Variants in COL22A1 observed in about 807,000 individuals in gnomAD.
COL22A1 encodes the protein collagen type XXII alpha 1 chain, also known as collagen alpha-1(XXII) chain.
In COL22A1, 221 loss-of-function variants were observed where a neutral mutation model predicts 248.9. That is an observed-to-expected ratio of 0.89 (90% CI 0.80 to 0.99). The LOEUF (loss-of-function observed/expected upper bound fraction) is 0.99. Ranked by LOEUF, COL22A1 falls within the 50% of genes least tolerant of loss-of-function variation. The pLI is 0.00. For synonymous variants in COL22A1, 891 were observed against 793.4 expected (o/e 1.12, Z -2.07); for missense variants, 2,240 against 2,179.0 (o/e 1.03, Z -0.56).
At chr8:138,739,719 G>GA (rs1831403512) in intron 22 of COL22A1, among the ~76,000 whole-genome samples, 1 of 152,174 alleles carries the variant, frequency 6.6e-6, no homozygotes, top group African/African-American at 2.4e-5. Flanking sequence ...CCCAAGCCAT[G>GA]ACGGTGGCAC....
At chr8:138,881,208 A>T (rs1198677146) in intron 2 of COL22A1, among the ~76,000 whole-genome samples, 1 of 150,434 alleles carries the variant, frequency 6.6e-6, no homozygotes, top group Admixed American at 6.6e-5. Flanking sequence ...GGTTGGCTAG[A>T]TGGGCACAGA....
chr8:138,639,027 G>A (rs561812242), intron 47 of COL22A1, among the ~76,000 whole-genome samples: 24 of 152,208 alleles, frequency 1.6e-4, no homozygotes, highest in African/African-American at 2.2e-4. Context: ...ACAGAGCCCC[G>A]ACTCTTCCAG....
rs1818070062 is a variant in COL22A1 at position 138,602,108 on chromosome 8, C to T, written c.4185+7G>A. 1.2e-6 allele frequency: 2 copies of T among 1,614,114 alleles called. No homozygotes were observed. The highest frequency in any genetic ancestry group is 2.2e-5 in the East Asian group (1 of 44,850). On this transcript the variant is annotated splice_region_variant and intron_variant, in intron 60 of 64. Coordinates refer to ENST00000303045, the MANE Select transcript of COL22A1 (RefSeq NM_152888.3). ...GCGTGTTCAAGGTGCCTGTGCTCTC[C>T]ACTCACCCTTTCTCCTTTGAATCCA...
chr8:138,765,269 G>C (rs1422976376), intron 16 of COL22A1, among the ~76,000 whole-genome samples: 1 of 152,168 alleles, frequency 6.6e-6, no homozygotes, highest in South Asian at 2.1e-4. Context: ...AGAGTCCCTG[G>C]AGGGACTGCG....
intron 1 of COL22A1, among the ~76,000 whole-genome samples, chr8:138,884,485 AG>A (rs906238815): frequency 6.6e-6 from 1 of 152,200 alleles, no homozygotes; most frequent in Admixed American, 6.5e-5. Context: ...AATCCTCATA[AG>A]GGTTATTCTG....
chr8:138,846,881 G>C (rs1268896479), intron 3 of COL22A1, among the ~76,000 whole-genome samples: 1 of 152,200 alleles, frequency 6.6e-6, no homozygotes, highest in Non-Finnish European at 1.5e-5. Context: ...CCTGCCTTCA[G>C]GGCATTGCAG....
intron 2 of COL22A1, among the ~76,000 whole-genome samples, chr8:138,878,891 C>A (rs1384002717): frequency 6.6e-6 from 1 of 151,966 alleles, no homozygotes; most frequent in South Asian, 2.1e-4. Flanking sequence ...GCCTATAGTC[C>A]CAGCTACTCG....
At chr8:138,627,160 A>C (rs944954022) in intron 50 of COL22A1, among the ~76,000 whole-genome samples, 1 of 152,216 alleles carries the variant, frequency 6.6e-6, no homozygotes, top group Non-Finnish European at 1.5e-5. Context: ...AAGAAAATTA[A>C]GTGGATATTT....
intron 60 of COL22A1, among the ~76,000 whole-genome samples, chr8:138,601,428 C>T (rs1023009425): frequency 2.0e-5 from 3 of 151,978 alleles, no homozygotes; most frequent in East Asian, 1.9e-4. Flanking sequence ...GGAAAACAAG[C>T]GGGGGTGGGC....
At chr8:138,599,199 G>A (rs574809053) in intron 60 of COL22A1, among the ~76,000 whole-genome samples, 14 of 152,222 alleles carry the variant, frequency 9.2e-5, no homozygotes, top group South Asian at 4.1e-4. Context: ...AAAATTAGCC[G>A]GGCGTGGTGG....
chr8:138,833,066 C>A lies in COL22A1; in HGVS notation c.818G>T (p.Gly273Val), dbSNP rs758219176. The A allele has an allele frequency of 1.2e-6, 2 of 1,613,110 alleles. No individual in the cohort carries two copies. The highest frequency in any genetic ancestry group is 1.7e-6 in the Non-Finnish European group (2 of 1,179,172). Residue 273 changes from glycine (G) to valine (V), a missense_variant, in exon 5 of 65, where the codon GGA (glycine) becomes GTA (valine). Physicochemically the swap from Gly to Val is moderately radical, Grantham distance 109 (BLOSUM62 -3). Transcript: ENST00000303045. ...NGAQSSYVRMGSFPVVQSTED... is the reference protein window; with the variant it reads ...NGAQSSYVRMVSFPVVQSTED... Reference sequence around the variant, plus strand: ...AGTACTTTGCACCACAGGGAAGGATCCCATCCGTACATAGGAACTCTGAGC... The same window carrying A: ...AGTACTTTGCACCACAGGGAAGGATACCATCCGTACATAGGAACTCTGAGC...
intron 1 of COL22A1, among the ~76,000 whole-genome samples, chr8:138,910,593 C>T (rs1168015132): frequency 1.3e-5 from 2 of 152,044 alleles, no homozygotes; most frequent in Non-Finnish European, 2.9e-5. Flanking sequence ...TTATCTTTAT[C>T]TGGTAACCTG....
chr8:138,663,643 G>A, intron 42 of COL22A1, 62 bp downstream of exon 42: 1 of 1,305,548 alleles, frequency 7.7e-7, no homozygotes. Flanking sequence ...ATTTAAAACT[G>A]CTTTGATTCG....
chr8:138,870,008 G>A (rs924096365), intron 3 of COL22A1, among the ~76,000 whole-genome samples: 3 of 152,108 alleles, frequency 2.0e-5, no homozygotes, highest in Non-Finnish European at 4.4e-5. Context: ...TGCCTGGTGT[G>A]TATGTGGAGG....
intron 22 of COL22A1, among the ~76,000 whole-genome samples, chr8:138,744,676 C>T (rs1831965141): frequency 6.6e-6 from 1 of 152,202 alleles, no homozygotes; most frequent in Non-Finnish European, 1.5e-5. Context: ...ACCGCCATAC[C>T]TCAGAGAGTC....
In COL22A1 at chr8:138,906,369, C is replaced by CAAAAA. The variant is rs9324499; in HGVS notation, c.-73+7245_-73+7249dup. Among the ~76,000 whole-genome samples the CAAAAA allele has an allele frequency of 3.6e-3, 519 of 143,910 alleles. 5 individuals are homozygous for CAAAAA. Among genetic ancestry groups the CAAAAA allele is most frequent in the East Asian group, 0.011 (52 of 4,758 alleles). The allele number at this position is 143,910 out of a possible 152,430, so 94.4% of individuals were successfully genotyped here. A position where few individuals can be genotyped will look rare whatever the true frequency, so the allele number is the denominator to read the frequency against. ...TGGGTGACAGAGCATGACTCCGTCT[C>CAAAAA]AAAAAAAAAAAATTACCTACATATT... On this transcript the variant is annotated intron_variant, in intron 1 of 64. Transcript: ENST00000303045.
chr8:138,784,417 G>A (rs191958946), intron 12 of COL22A1, among the ~76,000 whole-genome samples: 42 of 152,268 alleles, frequency 2.8e-4, no homozygotes, highest in African/African-American at 7.5e-4. Context: ...ATGCTGTCAC[G>A]GCAGGTGCTT....
rs746463033 is a variant in COL22A1 at position 138,844,071 on chromosome 8, G to GTT, written c.733+11_733+12dup. On this transcript the variant is annotated intron_variant, in intron 4 of 64. Coordinates refer to ENST00000303045, the MANE Select transcript of COL22A1 (RefSeq NM_152888.3). ...ACCAAAGCAAGCACACGTGGTTATTGTTTTTCCCTTACCTGTGATTTCCTT... is the reference window on the plus strand; with the variant it reads ...ACCAAAGCAAGCACACGTGGTTATTGTTTTTTTCCCTTACCTGTGATTTCCTT... 6.2e-7 allele frequency: 1 copy of GTT among 1,611,834 alleles called. No homozygotes were observed. Among genetic ancestry groups the GTT allele is most frequent in the Admixed American group, 1.7e-5 (1 of 60,030 alleles).
chr8:138,737,191 C>T (rs1831185104), intron 23 of COL22A1, among the ~76,000 whole-genome samples: 1 of 152,190 alleles, frequency 6.6e-6, no homozygotes, highest in African/African-American at 2.4e-5. Context: ...CGAGACAAGC[C>T]TCTTCATGAC....
Sources: allele counts gnomAD v4.1 joint callset (sites outside exome capture counted in the v4.1 genomes callset), GRCh38; gene constraint gnomAD v4.1.1; transcripts MANE v1.5; gene names NCBI Gene and HGNC (gene_info 2026-07-23, HGNC 2026-07-21).